SULF2: variants seen among roughly 807,000 people sequenced by gnomAD.
SULF2 encodes the protein sulfatase 2.
Under a neutral mutation model 107.7 loss-of-function variants are expected in SULF2, and 52 were observed. The observed-to-expected ratio is 0.48, with a 90% CI of 0.39 to 0.61. The LOEUF is 0.61. SULF2 is among the 20% of genes least tolerant of loss of function. The pLI is 0.00. For missense variants in SULF2, 993 were observed against 1,177.3 expected (o/e 0.84, Z 2.29); for synonymous variants, 460 against 464.3 (o/e 0.99, Z 0.12).
intron 13 of SULF2, among the ~76,000 whole-genome samples, chr20:47,665,564 G>T (rs2087235902): frequency 6.6e-6 from 1 of 152,228 alleles, no homozygotes; most frequent in African/African-American, 2.4e-5. Flanking sequence ...GCCCACTGAG[G>T]CCTCCAGTGT....
intron 1 of SULF2, among the ~76,000 whole-genome samples, chr20:47,759,191 C>A (rs996903893): frequency 6.6e-6 from 1 of 152,190 alleles, no homozygotes; most frequent in African/African-American, 2.4e-5. Flanking sequence ...TAGTGCCAGT[C>A]CTGTGCTCAC....
At chr20:47,732,627 AGGT>A (rs986024413) in intron 3 of SULF2, among the ~76,000 whole-genome samples, 17 of 140,310 alleles carry the variant, frequency 1.2e-4, no homozygotes, top group Non-Finnish European at 2.5e-4. Context: ...GGATCGCTTG[AGGT>A]CAGGAGTTCG....
intron 1 of SULF2, among the ~76,000 whole-genome samples, chr20:47,765,499 A>C (rs568309707): frequency 6.6e-6 from 1 of 151,994 alleles, no homozygotes; most frequent in Admixed American, 6.5e-5. Flanking sequence ...AGGAGGGAAG[A>C]AAGGAAATTG....
At chr20:47,688,131 A>G (rs6090712) in intron 5 of SULF2, among the ~76,000 whole-genome samples, 56,536 of 152,028 alleles carry the variant, frequency 0.37, 11,209 homozygotes, top group Middle Eastern at 0.51. Context: ...AGGAAAGGGC[A>G]TGTGCCGGCT....
At chr20:47,686,852 C>T (rs2146523835) in intron 5 of SULF2, among the ~76,000 whole-genome samples, 1 of 152,278 alleles carries the variant, frequency 6.6e-6, no homozygotes, top group Non-Finnish European at 1.5e-5. Context: ...TCCATCAGGG[C>T]CCATGCTTCC....
At chr20:47,695,222 G>A (rs1432150985) in intron 4 of SULF2, among the ~76,000 whole-genome samples, 1 of 152,086 alleles carries the variant, frequency 6.6e-6, no homozygotes, top group Non-Finnish European at 1.5e-5. Flanking sequence ...CTTTATGTAT[G>A]GATGCAGTTT....
Position 47,757,321 on chromosome 20 carries a change from C to A in SULF2, c.43G>T (p.Val15Leu). 1 of 1,602,560 alleles carries A rather than the reference C, an allele frequency of 6.2e-7. No homozygotes were observed. Among genetic ancestry groups the A allele is most frequent in the Non-Finnish European group, 8.5e-7 (1 of 1,174,262 alleles). The stretch of plus-strand genomic sequence containing the variant: ...GAGCTTCCACCCAGCAGGGAGAACA[C>A]AGTTGCGGACAGCAAGCACAGCACG... ...SLVLCLLSAT[V>L]FSLLGGSSAF... The change falls in exon 2 of 21, where the codon GTG (valine) becomes TTG (leucine). Residue 15 changes from valine (V) to leucine (L), a missense_variant. Val to Leu is a conservative substitution (Grantham distance 32). This residue lies in a region of SULF2 where 388 missense variants were observed against 449.2 expected (regional missense o/e 0.86). Coordinates refer to ENST00000688720, the MANE Select transcript of SULF2 (RefSeq NM_001387048.1).
chr20:47,736,773 C>G lies in SULF2; in HGVS notation c.345G>C (p.Ser115=), dbSNP rs1362284130. ...NTYTNNENCS[S]PSWQAQHESR... is the part of the protein sequence containing the mutation. ...TCTCGTGCTGTGCCTGCCAGGAGGG[C>G]GAGGAGCAGTTCTCATTGTTGGTGT... is the stretch of plus-strand genomic sequence containing the variant. The change falls in exon 3 of 21, where the codon TCG becomes TCC. Residue 115 remains serine (S), a synonymous_variant. Coordinates refer to ENST00000688720, the MANE Select transcript of SULF2 (RefSeq NM_001387048.1). 1 of 1,614,064 alleles carries G rather than the reference C, an allele frequency of 6.2e-7. No individual in the cohort carries two copies. The highest frequency in any genetic ancestry group is 8.5e-7 in the Non-Finnish European group (1 of 1,180,042).
intron 7 of SULF2, among the ~76,000 whole-genome samples, chr20:47,679,376 T>G (rs578225995): frequency 6.6e-6 from 1 of 152,338 alleles, no homozygotes; most frequent in South Asian, 2.1e-4. Flanking sequence ...CACACCTTAA[T>G]GTGACCCCCT....
At chr20:47,777,447 C>G (rs2090745219) in intron 1 of SULF2, among the ~76,000 whole-genome samples, 1 of 152,172 alleles carries the variant, frequency 6.6e-6, no homozygotes, top group African/African-American at 2.4e-5. Flanking sequence ...TATGAGGCAA[C>G]AAGGCCAAAG....
intron 1 of SULF2, among the ~76,000 whole-genome samples, chr20:47,777,146 A>C (rs1362798859): frequency 1.3e-5 from 2 of 152,230 alleles, no homozygotes; most frequent in African/African-American, 4.8e-5. Flanking sequence ...AGAGAGTGAT[A>C]AGTGTTATAA....
At chr20:47,780,018 T>G (rs1250136276) in intron 1 of SULF2, among the ~76,000 whole-genome samples, 1 of 145,298 alleles carries the variant, frequency 6.9e-6, no homozygotes, top group Non-Finnish European at 1.5e-5. Context: ...TAGTTGACTT[T>G]TTTTTTTTTT....
rs150873954 is a variant in SULF2, at chr20:47,671,501, T to G, written c.1576+697A>C. Among the ~76,000 whole-genome samples the G allele has an allele frequency of 7.1e-4, 108 of 152,168 alleles. 2 individuals carry two copies. The East Asian group carries it at 0.014, about 19-fold the overall frequency. On this transcript the variant is annotated intron_variant, in intron 11 of 20. Transcript: ENST00000688720. ...GTTGGCCAGGCTGGTCTTGAACTCC[T>G]GACCTCAAGTGATCTGTCCACCTCG...
intron 4 of SULF2, among the ~76,000 whole-genome samples, chr20:47,691,455 C>A (rs777343891): frequency 6.6e-6 from 1 of 152,158 alleles, no homozygotes; most frequent in Non-Finnish European, 1.5e-5. Flanking sequence ...CTTACTGATA[C>A]CTGGGCCCAC....
intron 3 of SULF2, among the ~76,000 whole-genome samples, chr20:47,716,991 C>G (rs895838164): frequency 1.3e-5 from 2 of 152,074 alleles, no homozygotes; most frequent in African/African-American, 4.8e-5. Flanking sequence ...GCCTGGGTGA[C>G]AAGCGAGACC....
At chr20:47,778,809 A>G (rs1414856339) in intron 1 of SULF2, among the ~76,000 whole-genome samples, 1 of 152,170 alleles carries the variant, frequency 6.6e-6, no homozygotes, top group Non-Finnish European at 1.5e-5. Flanking sequence ...ATATTCATCA[A>G]ATAGATTCAT....
intron 1 of SULF2, 45 bp from the exon 2 acceptor site, chr20:47,757,508 C>A: frequency 3.2e-6 from 3 of 940,376 alleles, no homozygotes; most frequent in South Asian, 1.8e-5. Flanking sequence ...GTCAAGGCTG[C>A]CGGCTGCTCA....
chr20:47,704,071 C>T (rs1273891019), intron 3 of SULF2, among the ~76,000 whole-genome samples: 2 of 152,120 alleles, frequency 1.3e-5, no homozygotes, highest in Admixed American at 1.3e-4. Context: ...CTATTTCTTG[C>T]TGGAGCAGGT....
At chr20:47,701,847 G>A (rs188909728) in intron 4 of SULF2, among the ~76,000 whole-genome samples, 5 of 152,184 alleles carry the variant, frequency 3.3e-5, no homozygotes, top group South Asian at 2.1e-4. Flanking sequence ...GTGTCGAGTC[G>A]GGGGAATTCC....
Sources: gnomAD v4.1 joint callset for allele counts (sites outside exome capture counted in the v4.1 genomes callset) on GRCh38, gnomAD v4.1.1 for gene constraint, gnomAD v4.1.1 regional missense constraint, MANE v1.5 for transcripts, NCBI Gene and HGNC (gene_info 2026-07-23, HGNC 2026-07-21) for gene names.